The following CDYL variants were observed in gnomAD, a reference collection of about 807,000 sequenced individuals.
The protein encoded by CDYL is chromodomain Y-like protein.
In CDYL, 8 loss-of-function variants were observed where a neutral mutation model predicts 47.3. The ratio of observed to expected loss-of-function variants is 0.17; its 90% CI spans 0.10 to 0.31. CDYL has a LOEUF of 0.31. CDYL is among the 10% of genes least tolerant of loss of function. The pLI, the probability that CDYL is intolerant of heterozygous loss-of-function variation, is 1.00. For missense variants in CDYL, 471 were observed against 701.4 expected (o/e 0.67, Z 3.71); for synonymous variants, 266 against 265.0 (o/e 1.00, Z -0.04).
intron 1 of CDYL, among the ~76,000 whole-genome samples, chr6:4,806,136 C>T (rs1759363625): frequency 6.6e-6 from 1 of 152,252 alleles, no homozygotes; most frequent in Non-Finnish European, 1.5e-5. Flanking sequence ...CCACAAAGTC[C>T]TCTGAGGTCA....
rs567262563 is a variant in CDYL, at chr6:4,727,379, A to G, written c.104-7383A>G. 1.8e-3 allele frequency among the ~76,000 whole-genome samples: 274 copies of G among 152,276 alleles called. 2 individuals are homozygous for G. The highest frequency in any genetic ancestry group is 6.3e-3 in the African/African-American group (262 of 41,534). ...GAACTCCTCTCAAACACTGTAAAACAGGTTTTCTGTCCATACATAGGGTGG... is the reference window on the plus strand; with the variant it reads ...GAACTCCTCTCAAACACTGTAAAACGGGTTTTCTGTCCATACATAGGGTGG... On this transcript the variant is annotated intron_variant, in intron 2 of 8. Coordinates refer to the CDYL transcript ENST00000328908.
In CDYL at chr6:4,937,549, T is replaced by A. The variant is rs898446939; in HGVS notation, c.949-16T>A. On this transcript the variant is annotated splice_polypyrimidine_tract_variant and intron_variant, in intron 3 of 6. Coordinates refer to ENST00000397588, the MANE Select transcript of CDYL (RefSeq NM_004824.4). ...CCAAAATATTCTTTGCCACTTTAAC[T>A]TCTGGTGACTTTCAGGTAATGAGAG... The A allele has an allele frequency of 1.1e-5, 16 of 1,518,432 alleles. No individual in the cohort carries two copies. The highest frequency in any genetic ancestry group is 2.9e-5 in the African/African-American group (2 of 69,714). 94.1% of individuals were successfully genotyped at this position (1,518,432 alleles called of 1,614,324 possible). A position where few individuals can be genotyped will look rare whatever the true frequency, so the allele number is the denominator to read the frequency against.
chr6:4,881,731 T>C (rs1761766987), intron 1 of CDYL, among the ~76,000 whole-genome samples: 1 of 152,244 alleles, frequency 6.6e-6, no homozygotes, highest in South Asian at 2.1e-4. Context: ...TGAGTATTTA[T>C]ATTTATTCAC....
chr6:4,781,276 T>C (rs1046494552), intron 1 of CDYL, among the ~76,000 whole-genome samples: 1 of 152,244 alleles, frequency 6.6e-6, no homozygotes, highest in Non-Finnish European at 1.5e-5. Context: ...ACAAGGCTTT[T>C]ACTTACATTG....
At position 4,732,658 on chromosome 6, in the gene CDYL, G is replaced by GTT. The variant is rs35376295; in HGVS notation, c.104-2099_104-2098dup. 2.6e-3 allele frequency among the ~76,000 whole-genome samples: 250 copies of GTT among 94,902 alleles called. 3 individuals carry two copies. Among genetic ancestry groups the GTT allele is most frequent in the African/African-American group, 7.9e-3 (219 of 27,552 alleles). 62.3% of individuals were successfully genotyped at this position (94,902 alleles called of 152,430 possible). A position where few individuals can be genotyped will look rare whatever the true frequency, so the allele number is the denominator to read the frequency against. On this transcript the variant is annotated intron_variant, in intron 2 of 8. Transcript: ENST00000328908. ...AGCCTGGGCAACAGAGAGAGATCCT[G>GTT]TTTTTTAAAAAAAAAGAGGGGGGGA...
intron 1 of CDYL, among the ~76,000 whole-genome samples, chr6:4,840,826 TTCA>T (rs1383039761): frequency 6.6e-6 from 1 of 152,202 alleles, no homozygotes; most frequent in African/African-American, 2.4e-5. Flanking sequence ...TGCATCTATA[TTCA>T]TCAGCGATTT....
At chr6:4,941,682 A>AT (rs1347390208) in intron 4 of CDYL, among the ~76,000 whole-genome samples, 1 of 152,218 alleles carries the variant, frequency 6.6e-6, no homozygotes, top group South Asian at 2.1e-4. Flanking sequence ...TTAGAAGCAG[A>AT]TTTTTTTATA....
At chr6:4,859,932 C>T (rs1312450759) in intron 1 of CDYL, among the ~76,000 whole-genome samples, 6 of 149,118 alleles carry the variant, frequency 4.0e-5, no homozygotes, top group African/African-American at 1.5e-4. Flanking sequence ...GATGGAGTCT[C>T]GCTCTGTCAC....
chr6:4,904,474 C>G (rs1490682502), intron 2 of CDYL, among the ~76,000 whole-genome samples: 1 of 152,246 alleles, frequency 6.6e-6, no homozygotes, highest in East Asian at 1.9e-4. Flanking sequence ...TGTATTTGCT[C>G]TTCCGAGCAA....
intron 3 of CDYL, among the ~76,000 whole-genome samples, chr6:4,763,196 A>G (rs1213682408): frequency 6.6e-6 from 1 of 152,332 alleles, no homozygotes; most frequent in African/African-American, 2.4e-5. Flanking sequence ...CCTTCCATAA[A>G]AAGGTAAAAT....
At chr6:4,884,887 A>G (rs2127480115) in intron 1 of CDYL, among the ~76,000 whole-genome samples, 1 of 152,320 alleles carries the variant, frequency 6.6e-6, no homozygotes, top group East Asian at 1.9e-4. Flanking sequence ...TGGGTAGGAA[A>G]AGCGGTAGTC....
intron 2 of CDYL, among the ~76,000 whole-genome samples, chr6:4,930,913 A>T (rs983553687): frequency 2.0e-5 from 3 of 152,236 alleles, no homozygotes; most frequent in African/African-American, 7.2e-5. Flanking sequence ...CAACGATGAG[A>T]GTCATCGTTC....
chr6:4,944,850 A>G (rs889423839), intron 5 of CDYL, among the ~76,000 whole-genome samples: 1 of 152,212 alleles, frequency 6.6e-6, no homozygotes, highest in Admixed American at 6.5e-5. Context: ...CACCTTGCCG[A>G]GTGGTCAGAG....
chr6:4,895,993 GC>G (rs1476587281), intron 2 of CDYL, among the ~76,000 whole-genome samples: 4 of 152,070 alleles, frequency 2.6e-5, no homozygotes, highest in South Asian at 2.1e-4. Context: ...TTTTTCCAAG[GC>G]CCTCACCATC....
chr6:4,930,934 G>T (rs936117440), intron 2 of CDYL, among the ~76,000 whole-genome samples: 1 of 152,182 alleles, frequency 6.6e-6, no homozygotes, highest in Non-Finnish European at 1.5e-5. Context: ...CAGGGGAGTC[G>T]CACTAATTTC....
intron 1 of CDYL, among the ~76,000 whole-genome samples, chr6:4,854,269 G>A (rs1023936884): frequency 2.0e-5 from 3 of 152,188 alleles, no homozygotes; most frequent in Admixed American, 1.3e-4. Context: ...GAGTGATGCC[G>A]TCTTGCAGGC....
chr6:4,904,236 C>G, intron 2 of CDYL, among the ~76,000 whole-genome samples: 1 of 152,178 alleles, frequency 6.6e-6, no homozygotes, highest in East Asian at 1.9e-4. Flanking sequence ...CCCTGCTTCT[C>G]GTGGAGTGAT....
At chr6:4,743,856 T>C (rs934326236) in intron 3 of CDYL, among the ~76,000 whole-genome samples, 1 of 152,242 alleles carries the variant, frequency 6.6e-6, no homozygotes, top group African/African-American at 2.4e-5. Flanking sequence ...GAAACACAAT[T>C]TGCTTATTAA....
intron 3 of CDYL, among the ~76,000 whole-genome samples, chr6:4,749,544 A>G (rs1306367209): frequency 6.6e-6 from 1 of 152,232 alleles, no homozygotes; most frequent in African/African-American, 2.4e-5. Context: ...TGCCACCACT[A>G]TTCAGATAGT....
Sources: gnomAD v4.1 joint callset for allele counts (sites outside exome capture counted in the v4.1 genomes callset) on GRCh38, gnomAD v4.1.1 for gene constraint, MANE v1.5 for transcripts, NCBI Gene and HGNC (gene_info 2026-07-23, HGNC 2026-07-21) for gene names.